Variants in GLIPR1L1 observed in about 807,000 individuals in gnomAD.
The protein encoded by GLIPR1L1 is GLIPR1-like protein 1.
In GLIPR1L1, 26 loss-of-function variants were observed where a neutral mutation model predicts 29.9. The ratio of observed to expected loss-of-function variants is 0.87; its 90% CI spans 0.64 to 1.21. The LOEUF is 1.21. Among genes scored for constraint, GLIPR1L1 ranks in the 50% most tolerant of loss-of-function variants. The probability of loss-of-function intolerance (pLI) is 0.00; values close to 1 mark genes in which losing one functional copy is unlikely to be tolerated. For synonymous variants in GLIPR1L1, 77 were observed against 97.5 expected (o/e 0.79, Z 1.24); for missense variants, 305 against 290.3 (o/e 1.05, Z -0.37).
chr12:75,347,796 T>C (rs1267209180), intron 3 of GLIPR1L1, 74 bp downstream of exon 3: 1 of 840,408 alleles, frequency 1.2e-6, no homozygotes, highest in Non-Finnish European at 1.9e-6. Flanking sequence ...GAGGACCTTA[T>C]ACTAGACACA....
At chr12:75,368,562 T>A (rs1266141063) in intron 4 of GLIPR1L1, among the ~76,000 whole-genome samples, 6 of 151,778 alleles carry the variant, frequency 4.0e-5, no homozygotes, top group Admixed American at 3.3e-4. Flanking sequence ...GGTCATGAGG[T>A]TTCCTTAAGA....
At position 75,368,161 on chromosome 12, in the gene GLIPR1L1, T is replaced by C. The variant is rs891377292; in HGVS notation, c.611-1799T>C. ...CAGGAGTTAAGTGATGCCCCAGTAA[T>C]ACAATATTACATTATTCTTTCATTC... is the stretch of plus-strand genomic sequence containing the variant. On this transcript the variant is annotated intron_variant, in intron 4 of 5. Transcript: ENST00000378695. 2.6e-5 allele frequency among the ~76,000 whole-genome samples: 4 copies of C among 152,034 alleles called. No homozygotes were observed. The East Asian group carries it at 7.7e-4, about 29-fold the overall frequency.
intron 1 of GLIPR1L1, among the ~76,000 whole-genome samples, chr12:75,336,043 A>G (rs2041713957): frequency 6.6e-6 from 1 of 151,990 alleles, no homozygotes; most frequent in African/African-American, 2.4e-5. Context: ...AATAATGTAG[A>G]AACTAAACAC....
intron 4 of GLIPR1L1, chr12:75,367,131 A>C (rs930537633): frequency 1.5e-6 from 1 of 655,316 alleles, no homozygotes; most frequent in Non-Finnish European, 2.8e-6. Context: ...TTTAGAATAC[A>C]CCTCCAAAGT....
chr12:75,336,827 T>C (rs1410003478), intron 1 of GLIPR1L1, among the ~76,000 whole-genome samples: 1 of 151,868 alleles, frequency 6.6e-6, no homozygotes, highest in Non-Finnish European at 1.5e-5. Flanking sequence ...TACAAATTTT[T>C]ATCAAGTATT....
At position 75,342,849 on chromosome 12, in the gene GLIPR1L1, G is replaced by A. The variant is rs537231946; in HGVS notation, c.175-844G>A. On this transcript the variant is annotated intron_variant, in intron 1 of 5. Transcript: ENST00000378695. The stretch of plus-strand genomic sequence containing the variant: ...TTTAAGTCTTTTACAACTTCTTTCA[G>A]TTACGTTTTTGCAGTTTTCAGCATA... Among the ~76,000 whole-genome samples the A allele has an allele frequency of 1.6e-4, 24 of 151,926 alleles. No individual in the cohort carries two copies. In the South Asian group the frequency reaches 5.0e-3, roughly 31 times the overall value.
In GLIPR1L1 at chr12:75,363,170, A is replaced by C; in HGVS notation, c.590A>C (p.Lys197Thr). The change falls in exon 4 of 6, where the codon AAA becomes ACA. Residue 197 changes from lysine (K) to threonine (T), a missense_variant. Physicochemically the swap from Lys to Thr is moderately conservative, Grantham distance 78. Transcript: ENST00000378695. Reference protein sequence around the residue: ...ESCSLCSKEEKCVKNLCRTPQ... With the variant: ...ESCSLCSKEETCVKNLCRTPQ... Reference sequence around the variant, plus strand: ...TGCTCTCTCTGCTCAAAAGAAGAGAAATGTGTAAAGAACCTCTGCAGTAAG... The same window carrying C: ...TGCTCTCTCTGCTCAAAAGAAGAGACATGTGTAAAGAACCTCTGCAGTAAG... 1.3e-6 allele frequency: 2 copies of C among 1,539,934 alleles called. No individual in the cohort carries two copies. Among genetic ancestry groups the C allele is most frequent in the Non-Finnish European group, 1.7e-6 (2 of 1,147,914 alleles).
Position 75,363,188 on chromosome 12 carries a change from G to C in GLIPR1L1, c.608G>C (p.Cys203Ser). The C allele has an allele frequency of 1.4e-6, 2 of 1,403,836 alleles. No individual in the cohort carries two copies. The highest frequency in any genetic ancestry group is 1.9e-6 in the Non-Finnish European group (2 of 1,048,142). The allele number at this position is 1,403,836 out of a possible 1,614,324, so 87.0% of individuals were successfully genotyped here. A position where few individuals can be genotyped will look rare whatever the true frequency, so the allele number is the denominator to read the frequency against. ...SKEEKCVKNL[C>S]RTPQLIIPNQ... ...GAAGAGAAATGTGTAAAGAACCTCT[G>C]CAGTAAGCAAAAATATATATATATA... is the stretch of plus-strand genomic sequence containing the variant. The change falls in exon 4 of 6, where the codon TGC becomes TCC. Residue 203 changes from cysteine (C) to serine (S), a missense_variant and splice_region_variant. Physicochemically the swap from Cys to Ser is moderately radical, Grantham distance 112. Transcript: ENST00000378695.
chr12:75,338,301 C>T (rs2041869665), intron 1 of GLIPR1L1, among the ~76,000 whole-genome samples: 2 of 152,058 alleles, frequency 1.3e-5, no homozygotes, highest in East Asian at 1.9e-4. Context: ...AATTAATCAA[C>T]ATAATCAGGA....
chr12:75,338,283 G>T lies in GLIPR1L1; in HGVS notation c.174+3381G>T, dbSNP rs138372984. On this transcript the variant is annotated intron_variant, in intron 1 of 5. Transcript: ENST00000378695. ...TCTCAGGAATAAAAAGTTGAATTAG[G>T]ACTTGAAAATTAATCAACATAATCA... is the stretch of plus-strand genomic sequence containing the variant. 2.0e-5 allele frequency among the ~76,000 whole-genome samples: 3 copies of T among 152,180 alleles called. No individual in the cohort carries two copies. The East Asian group carries it at 5.8e-4, about 29-fold the overall frequency.
At position 75,334,818 on chromosome 12, in the gene GLIPR1L1, C is replaced by A. The variant is rs761858202; in HGVS notation, c.90C>A (p.Asp30Glu). ...CTTCCAAAATCCCATCCATCACTGA[C>A]CCACACTTTATAGACAACTGCATAG... ...TTSSKIPSIT[D>E]PHFIDNCIEA... Residue 30 changes from aspartate to glutamate, a missense_variant, in exon 1 of 6, where the codon GAC (aspartate) becomes GAA (glutamate). Coordinates refer to ENST00000378695, the MANE Select transcript of GLIPR1L1 (RefSeq NM_001304964.2). 4 of 1,614,122 alleles carry A rather than the reference C, an allele frequency of 2.5e-6. No individual in the cohort carries two copies. In the Admixed American group the frequency reaches 6.7e-5, roughly 27 times the overall value.
chr12:75,344,966 T>C (rs1239455660), intron 2 of GLIPR1L1, among the ~76,000 whole-genome samples: 1 of 152,174 alleles, frequency 6.6e-6, no homozygotes, highest in African/African-American at 2.4e-5. Context: ...TCTGGCTTTG[T>C]GTAAACCGTG....
intron 3 of GLIPR1L1, among the ~76,000 whole-genome samples, chr12:75,361,809 T>G (rs960228103): frequency 2.6e-5 from 4 of 152,098 alleles, no homozygotes; most frequent in Non-Finnish European, 5.9e-5. Flanking sequence ...CTCCCTAAAC[T>G]TGGGGCTTAC....
At chr12:75,353,086 C>A (rs371099864) in intron 3 of GLIPR1L1, among the ~76,000 whole-genome samples, 1 of 151,958 alleles carries the variant, frequency 6.6e-6, no homozygotes, top group African/African-American at 2.4e-5. Flanking sequence ...ACTAAAGGAA[C>A]TAGAGAACCA....
At chr12:75,367,804 A>G (rs2044084577) in intron 4 of GLIPR1L1, among the ~76,000 whole-genome samples, 1 of 152,102 alleles carries the variant, frequency 6.6e-6, no homozygotes, top group Non-Finnish European at 1.5e-5. Context: ...ACAAATATTA[A>G]CAGATAGTTC....
chr12:75,334,900 A>G lies in GLIPR1L1; in HGVS notation c.172A>G (p.Met58Val), dbSNP rs377033800. 5 of 1,613,156 alleles carry G rather than the reference A, an allele frequency of 3.1e-6. No individual in the cohort carries two copies. Among genetic ancestry groups the G allele is most frequent in the Non-Finnish European group, 3.4e-6 (4 of 1,179,390 alleles). The change falls in exon 1 of 6, where the codon ATG becomes GTG. Residue 58 changes from methionine to valine, a missense_variant and splice_region_variant. Met to Val is a conservative substitution (Grantham distance 21). Transcript: ENST00000378695. ...CCCTCCCGCGGCCGACATGAAATACATGGTGAGAAAGAACCAGGGCTGGGC... is the reference window on the plus strand; with the variant it reads ...CCCTCCCGCGGCCGACATGAAATACGTGGTGAGAAAGAACCAGGGCTGGGC... ...VNPPAADMKYMIWDKGLAKMA... is the reference protein window; with the variant it reads ...VNPPAADMKYVIWDKGLAKMA...
chr12:75,366,407 C>T (rs1307399509), intron 4 of GLIPR1L1, among the ~76,000 whole-genome samples: 2 of 152,114 alleles, frequency 1.3e-5, no homozygotes, highest in East Asian at 3.9e-4. Flanking sequence ...AACTTAGGAA[C>T]TCTTGAGTTG....
intron 4 of GLIPR1L1, chr12:75,366,887 TC>T: frequency 1.4e-6 from 1 of 701,620 alleles, no homozygotes; most frequent in Non-Finnish European, 2.6e-6. Context: ...TGTTGAGGGT[TC>T]CCTGTAGGGC....
intron 4 of GLIPR1L1, among the ~76,000 whole-genome samples, chr12:75,367,173 G>T (rs1212273133): frequency 1.3e-5 from 2 of 151,578 alleles, no homozygotes; most frequent in African/African-American, 4.8e-5. Flanking sequence ...AAAGGCGGGG[G>T]GTTCTCCTTG....
Sources: allele counts gnomAD v4.1 joint callset (sites outside exome capture counted in the v4.1 genomes callset), GRCh38; gene constraint gnomAD v4.1.1; transcripts MANE v1.5; gene names NCBI Gene and HGNC (gene_info 2026-07-23, HGNC 2026-07-21).